Variants in HDAC9 observed in about 807,000 individuals in gnomAD.
The protein encoded by HDAC9 is MEF-2 interacting transcription repressor (MITR) protein.
HDAC9 carries 41 observed loss-of-function variants against 139.4 expected under a neutral mutation model. The observed-to-expected ratio is 0.29, with a 90% CI of 0.23 to 0.38. The LOEUF is 0.38. HDAC9 is among the 10% of genes least tolerant of loss of function. HDAC9 has a pLI of 1.00. For missense variants in HDAC9, 1,147 were observed against 1,297.0 expected (o/e 0.88, Z 1.78); for synonymous variants, 517 against 476.2 (o/e 1.09, Z -1.12).
At chr7:18,185,103 G>C (rs1789799315) in intron 2 of HDAC9, among the ~76,000 whole-genome samples, 3 of 152,200 alleles carry the variant, frequency 2.0e-5, no homozygotes, top group Non-Finnish European at 4.4e-5. Context: ...TAAAGCCCAA[G>C]ACTGGCTTTC....
At chr7:18,963,248 A>G (rs1391532433) in intron 24 of HDAC9, among the ~76,000 whole-genome samples, 1 of 152,220 alleles carries the variant, frequency 6.6e-6, no homozygotes, top group Non-Finnish European at 1.5e-5. Flanking sequence ...CATCAGTGCT[A>G]TAATGCACAA....
chr7:18,989,223 A>ATT (rs1785647732), intron 25 of HDAC9, among the ~76,000 whole-genome samples: 1 of 148,206 alleles, frequency 6.7e-6, no homozygotes, highest in African/African-American at 2.5e-5. Flanking sequence ...TTCCATGTTT[A>ATT]GCACTTCCTT....
chr7:18,815,792 G>A (rs1244915253), intron 17 of HDAC9, among the ~76,000 whole-genome samples: 2 of 152,172 alleles, frequency 1.3e-5, no homozygotes, highest in Non-Finnish European at 2.9e-5. Flanking sequence ...CCTTGAGCTG[G>A]CTCAAAGAAA....
intron 2 of HDAC9, among the ~76,000 whole-genome samples, chr7:18,552,745 A>G (rs890440152): frequency 1.3e-5 from 2 of 152,126 alleles, no homozygotes; most frequent in Non-Finnish European, 2.9e-5. Flanking sequence ...ACCAACACAG[A>G]TATTTACTTT....
At chr7:18,880,420 A>G (rs1362888496) in intron 22 of HDAC9, among the ~76,000 whole-genome samples, 1 of 152,224 alleles carries the variant, frequency 6.6e-6, no homozygotes, top group Non-Finnish European at 1.5e-5. Context: ...GTGCCCATCA[A>G]TGATTGACTG....
chr7:18,768,795 T>C (rs141978591), intron 16 of HDAC9, among the ~76,000 whole-genome samples: 325 of 152,318 alleles, frequency 2.1e-3, no homozygotes, highest in African/African-American at 7.5e-3. Context: ...GTTCAATTTA[T>C]GATTTTTTGA....
chr7:18,422,418 A>C (rs1018028999), intron 1 of HDAC9, among the ~76,000 whole-genome samples: 2 of 152,210 alleles, frequency 1.3e-5, no homozygotes, highest in Non-Finnish European at 2.9e-5. Flanking sequence ...GCCTGGTTGG[A>C]GAATGCATAT....
chr7:18,703,289 T>A (rs910686919), intron 12 of HDAC9, among the ~76,000 whole-genome samples: 1 of 152,174 alleles, frequency 6.6e-6, no homozygotes, highest in African/African-American at 2.4e-5. Context: ...TATTATGGTA[T>A]TTTGTAAGTT....
chr7:18,395,748 C>T (rs575079132), intron 1 of HDAC9, among the ~76,000 whole-genome samples: 11 of 152,214 alleles, frequency 7.2e-5, no homozygotes, highest in Non-Finnish European at 1.3e-4. Flanking sequence ...AAACACTCAA[C>T]CACTGTTCTC....
At chr7:18,848,404 G>A (rs1314544515) in intron 21 of HDAC9, among the ~76,000 whole-genome samples, 1 of 152,128 alleles carries the variant, frequency 6.6e-6, no homozygotes, top group Non-Finnish European at 1.5e-5. Flanking sequence ...GCTGGGGCCT[G>A]TGGGTGGCAA....
chr7:18,658,257 C>A (rs1791923539), intron 11 of HDAC9, among the ~76,000 whole-genome samples: 1 of 152,032 alleles, frequency 6.6e-6, no homozygotes, highest in Admixed American at 6.6e-5. Context: ...TTCCTAAGGC[C>A]TGGCATATAG....
chr7:18,985,095 T>TAA (rs1488848593), intron 25 of HDAC9, among the ~76,000 whole-genome samples: 1 of 152,134 alleles, frequency 6.6e-6, no homozygotes, highest in Non-Finnish European at 1.5e-5. Context: ...TATTATACTT[T>TAA]AAGTTTTAGG....
intron 1 of HDAC9, among the ~76,000 whole-genome samples, chr7:18,149,697 C>T (rs1157676566): frequency 1.3e-5 from 2 of 150,896 alleles, no homozygotes; most frequent in Non-Finnish European, 3.0e-5. Context: ...ACTATAGGTG[C>T]CCACCACCAC....
chr7:18,336,910 A>G (rs1034496433), intron 1 of HDAC9, among the ~76,000 whole-genome samples: 2 of 151,644 alleles, frequency 1.3e-5, no homozygotes, highest in Non-Finnish European at 3.0e-5. Context: ...AACTAAAACT[A>G]ATTTTGTCAG....
intron 1 of HDAC9, among the ~76,000 whole-genome samples, chr7:18,396,334 T>C (rs537123176): frequency 4.9e-4 from 74 of 152,082 alleles, no homozygotes; most frequent in Non-Finnish European, 9.1e-4. Context: ...ATAAGATGAT[T>C]ACAGAAATGA....
intron 25 of HDAC9, among the ~76,000 whole-genome samples, chr7:18,978,668 A>T (rs1784705352): frequency 6.6e-6 from 1 of 152,232 alleles, no homozygotes; most frequent in Non-Finnish European, 1.5e-5. Context: ...GGTCACATAT[A>T]GCATACTACT....
chr7:18,699,879 C>A (rs4719538), intron 12 of HDAC9, among the ~76,000 whole-genome samples: 19,695 of 151,784 alleles, frequency 0.13, 1,375 homozygotes, highest in East Asian at 0.2. Flanking sequence ...TTTTGTATTT[C>A]ATATATAAAA....
intron 17 of HDAC9, among the ~76,000 whole-genome samples, chr7:18,817,705 T>C (rs17140022): frequency 0.023 from 3,502 of 152,292 alleles, 135 homozygotes; most frequent in African/African-American, 0.079. Context: ...AGCAAGATGA[T>C]TGGGAGGTTA....
intron 1 of HDAC9, among the ~76,000 whole-genome samples, chr7:18,314,054 G>T (rs1454486813): frequency 6.6e-6 from 1 of 152,134 alleles, no homozygotes; most frequent in Non-Finnish European, 1.5e-5. Flanking sequence ...CCAAGCAAGA[G>T]ATTATTCTTT....
Sources: allele counts gnomAD v4.1 joint callset (sites outside exome capture counted in the v4.1 genomes callset), GRCh38; gene constraint gnomAD v4.1.1; transcripts MANE v1.5; gene names NCBI Gene and HGNC (gene_info 2026-07-23, HGNC 2026-07-21).